The following ZNF566 variants were observed in gnomAD, a reference collection of about 807,000 sequenced individuals.
ZNF566 encodes the protein zinc finger protein 566.
Under a neutral mutation model 32.8 loss-of-function variants are expected in ZNF566, and 27 were observed. The ratio of observed to expected loss-of-function variants is 0.82; its 90% CI spans 0.61 to 1.14. The LOEUF is 1.14. Ranked by LOEUF, ZNF566 falls within the 50% of genes most tolerant of loss-of-function variation. The pLI is 0.00. For missense variants in ZNF566, 402 were observed against 490.4 expected (o/e 0.82, Z 1.70); for synonymous variants, 154 against 159.5 (o/e 0.97, Z 0.26).
chr19:36,448,469 G>C lies in ZNF566; in HGVS notation c.*508C>G, dbSNP rs2033050264. On this transcript the variant is annotated 3_prime_UTR_variant, in exon 5 of 5. Coordinates refer to ENST00000452939, the MANE Select transcript of ZNF566 (RefSeq NM_001145344.1). ...GCCTTAATGTTATAAAGAACAAAAA[G>C]AATAAGCCATCTTCAAAAATAAAGA... 6.6e-6 allele frequency: 1 copy of C among 151,990 alleles called. No homozygotes were observed. The highest frequency in any genetic ancestry group is 2.4e-5 in the African/African-American group (1 of 41,354). The allele number at this position is 151,990 out of a possible 1,614,324, so 9.4% of individuals were successfully genotyped here.
intron 4 of ZNF566, among the ~76,000 whole-genome samples, chr19:36,465,020 T>A (rs1874165257): frequency 6.6e-6 from 1 of 151,910 alleles, no homozygotes; most frequent in Non-Finnish European, 1.5e-5. Context: ...CAAAAATGAG[T>A]ATCTAGAATT....
intron 4 of ZNF566, among the ~76,000 whole-genome samples, chr19:36,467,434 CAAAA>C (rs34170364): frequency 3.9e-5 from 3 of 77,532 alleles, no homozygotes; most frequent in Admixed American, 1.6e-4. Flanking sequence ...GGCTCTGTCT[CAAAA>C]AAAAAAAAAA....
At chr19:36,460,851 G>T (rs1013556629) in intron 4 of ZNF566, among the ~76,000 whole-genome samples, 1 of 152,128 alleles carries the variant, frequency 6.6e-6, no homozygotes, top group Non-Finnish European at 1.5e-5. Context: ...ACAATGATTT[G>T]AATGACTGGA....
chr19:36,485,404 G>C (rs1425159224), intron 1 of ZNF566, among the ~76,000 whole-genome samples: 2 of 147,022 alleles, frequency 1.4e-5, no homozygotes, highest in African/African-American at 5.1e-5. Flanking sequence ...TCATGCCACT[G>C]CATTTGCACT....
chr19:36,489,301 G>A, intron 1 of ZNF566, 185 bp downstream of exon 1: 1 of 209,710 alleles, frequency 4.8e-6, no homozygotes, highest in Admixed American at 5.5e-5. Flanking sequence ...AGGCCGTGCT[G>A]CACACGGTGT....
rs2145623330 is a variant in ZNF566 at position 36,446,512 on chromosome 19, C to T, written c.*2465G>A. ...CCCCCTGCCTTGGCCTCCCAAAGCA[C>T]TGGGATTACAGGCGTAAGCCACTGT... On this transcript the variant is annotated 3_prime_UTR_variant, in exon 5 of 5. Coordinates refer to ENST00000452939, the MANE Select transcript of ZNF566 (RefSeq NM_001145344.1). 1 of 152,366 alleles carries T rather than the reference C, an allele frequency of 6.6e-6. No homozygotes were observed. Among genetic ancestry groups the T allele is most frequent in the East Asian group, 1.9e-4 (1 of 5,176 alleles). The allele number at this position is 152,366 out of a possible 1,614,324, so 9.4% of individuals were successfully genotyped here. A position where few individuals can be genotyped will look rare whatever the true frequency, so the allele number is the denominator to read the frequency against.
chr19:36,463,610 T>C (rs552351602), intron 4 of ZNF566, among the ~76,000 whole-genome samples: 2 of 150,040 alleles, frequency 1.3e-5, no homozygotes, highest in Admixed American at 6.7e-5. Flanking sequence ...TAGTACCATC[T>C]TGGCTCACTG....
rs868070297 is a variant in ZNF566, at chr19:36,446,364, C to G, written c.*2613G>C. ...TCAGCTCACTGCAACCTCCGCCTCC[C>G]GGGTTCAAGCGATTCTCCTGCCTCA... On this transcript the variant is annotated 3_prime_UTR_variant, in exon 5 of 5. Transcript: ENST00000452939. 6.6e-6 allele frequency: 1 copy of G among 151,530 alleles called. No individual in the cohort carries two copies. The highest frequency in any genetic ancestry group is 2.4e-5 in the African/African-American group (1 of 41,204). The allele number at this position is 151,530 out of a possible 1,614,324, so 9.4% of individuals were successfully genotyped here.
chr19:36,476,717 G>A, intron 1 of ZNF566, 101 bp from the exon 2 acceptor site: 1 of 950,064 alleles, frequency 1.1e-6, no homozygotes, highest in Non-Finnish European at 1.5e-6. Context: ...AATGCTTGTG[G>A]GGTATCAGTG....
At chr19:36,473,166 AAACTCAATGCAGCTTCCTTTTTCT>A in intron 3 of ZNF566, 142 bp downstream of exon 3, 1 of 1,081,104 alleles carries the variant, frequency 9.2e-7, no homozygotes, top group East Asian at 2.4e-5. Flanking sequence ...ACATCCCCAA[AAACTCAATGCAGCTTCCTTTTTCT>A]AACTCTACCA....
At chr19:36,452,754 A>T (rs1334580397) in intron 4 of ZNF566, among the ~76,000 whole-genome samples, 5 of 152,124 alleles carry the variant, frequency 3.3e-5, no homozygotes, top group Non-Finnish European at 7.4e-5. Context: ...TAAAGGCAGG[A>T]ATATAGTTAT....
At chr19:36,460,811 T>C (rs939949164) in intron 4 of ZNF566, among the ~76,000 whole-genome samples, 1 of 151,714 alleles carries the variant, frequency 6.6e-6, no homozygotes, top group Non-Finnish European at 1.5e-5. Context: ...GTGAAAGAAC[T>C]GTAAAAAAAT....
intron 4 of ZNF566, among the ~76,000 whole-genome samples, chr19:36,462,912 G>A (rs924722650): frequency 7.9e-6 from 1 of 126,224 alleles, no homozygotes; most frequent in Non-Finnish European, 1.6e-5. Context: ...AGCCGAGACT[G>A]TGCCACTGCA....
At position 36,447,865 on chromosome 19, in the gene ZNF566, A is replaced by T. The variant is rs1251992683; in HGVS notation, c.*1112T>A. 6.6e-6 allele frequency: 1 copy of T among 152,136 alleles called. No homozygotes were observed. Among genetic ancestry groups the T allele is most frequent in the African/African-American group, 2.4e-5 (1 of 41,442 alleles). 9.4% of individuals were successfully genotyped at this position (152,136 alleles called of 1,614,324 possible). On this transcript the variant is annotated 3_prime_UTR_variant, in exon 5 of 5. Coordinates refer to ENST00000452939, the MANE Select transcript of ZNF566 (RefSeq NM_001145344.1). ...CTTTCTTCAGTCAAACACCCTGCCT[A>T]ATGGTGACTAAGTTCTGCAGAAGTT...
intron 4 of ZNF566, among the ~76,000 whole-genome samples, chr19:36,451,746 G>A (rs557558968): frequency 3.3e-4 from 51 of 152,258 alleles, no homozygotes; most frequent in Admixed American, 1.4e-3. Context: ...AGTGGCTCAC[G>A]CCTGTAATCC....
At chr19:36,465,002 C>T (rs914887087) in intron 4 of ZNF566, among the ~76,000 whole-genome samples, 13 of 151,990 alleles carry the variant, frequency 8.6e-5, no homozygotes, top group Admixed American at 2.0e-4. Context: ...ATAAAACATG[C>T]GATTGATCAA....
intron 4 of ZNF566, among the ~76,000 whole-genome samples, chr19:36,459,245 T>C (rs1329282730): frequency 6.6e-6 from 1 of 152,204 alleles, no homozygotes; most frequent in Non-Finnish European, 1.5e-5. Flanking sequence ...CCAGGGTTGA[T>C]GAAAACTCTT....
chr19:36,449,672 T>G lies in ZNF566; in HGVS notation c.562A>C (p.Thr188Pro), dbSNP rs200532449. The G allele has an allele frequency of 1.2e-6, 2 of 1,614,124 alleles. No homozygotes were observed. Among genetic ancestry groups the G allele is most frequent in the African/African-American group, 2.7e-5 (2 of 75,070 alleles). Residue 188 changes from threonine (T) to proline (P), a missense_variant, in exon 5 of 5, where the codon ACA (threonine) becomes CCA (proline). Around this residue, in one of 3 missense-constraint regions of ZNF566, gnomAD observed 220 missense variants for 241.9 expected, o/e 0.91. Coordinates refer to ENST00000452939, the MANE Select transcript of ZNF566 (RefSeq NM_001145344.1). ...KTFRHGSQFA[T>P]HEIIHTIEKP... The stretch of plus-strand genomic sequence containing the variant: ...TCAATGGTATGAATTATCTCATGTG[T>G]AGCAAACTGTGAGCCATGTCTAAAG...
chr19:36,464,031 C>A (rs563489022), intron 4 of ZNF566, among the ~76,000 whole-genome samples: 2 of 151,660 alleles, frequency 1.3e-5, no homozygotes, highest in South Asian at 4.2e-4. Flanking sequence ...CGGCCAAATT[C>A]GATGTAATTA....
Sources: allele counts gnomAD v4.1 joint callset (sites outside exome capture counted in the v4.1 genomes callset), GRCh38; gene constraint gnomAD v4.1.1; regional missense constraint gnomAD v4.1.1; transcripts MANE v1.5; gene names NCBI Gene and HGNC (gene_info 2026-07-23, HGNC 2026-07-21).